Variants in PIK3R1 observed in about 807,000 individuals in gnomAD.
The protein encoded by PIK3R1 is phosphoinositide-3-kinase regulatory subunit 1.
A neutral mutation model predicts 98.0 loss-of-function variants in PIK3R1; 29 were observed. The observed-to-expected ratio is 0.30, with a 90% confidence interval of 0.22 to 0.40. PIK3R1 has a LOEUF of 0.40. PIK3R1 is among the 10% of genes least tolerant of loss of function. PIK3R1 has a pLI of 1.00. For missense variants in PIK3R1, 596 were observed against 872.7 expected, an observed-to-expected ratio of 0.68 and a Z score of 3.99; for synonymous variants, 282 against 311.8, an observed-to-expected ratio of 0.90 and a Z score of 1.01.
At chr5:68,243,343 G>GT (rs1744941898) in intron 2 of PIK3R1, among the ~76,000 whole-genome samples, 1 of 152,124 alleles carries the variant, frequency 6.6e-6, no homozygotes, top group Admixed American at 6.5e-5. Context: ...ACTTTGAAAA[G>GT]TTTTGATGTT....
intron 2 of PIK3R1, among the ~76,000 whole-genome samples, chr5:68,267,520 C>T (rs10515073): frequency 0.02 from 3,102 of 152,210 alleles, 83 homozygotes; most frequent in African/African-American, 0.069. Context: ...TTAAATCTGT[C>T]GGCAACTCTT....
rs749016701 is a variant in PIK3R1 at position 68,292,367 on chromosome 5, G to C, written c.1019+6G>C. The C allele has an allele frequency of 1.3e-5, 20 of 1,592,484 alleles. No individual in the cohort carries two copies. The highest frequency in any genetic ancestry group is 1.5e-5 in the Non-Finnish European group (17 of 1,161,322). On this transcript the variant is annotated splice_donor_region_variant and intron_variant, in intron 8 of 15. Coordinates refer to ENST00000521381, the MANE Select transcript of PIK3R1 (RefSeq NM_181523.3). ...TACTGGGGAGATATCTCGAGGTAAG[G>C]CTACAGAAACTTCATTTTCAGAGAG...
intron 1 of PIK3R1, among the ~76,000 whole-genome samples, chr5:68,221,253 C>T (rs1482260004): frequency 6.6e-6 from 1 of 152,198 alleles, no homozygotes; most frequent in Non-Finnish European, 1.5e-5. Flanking sequence ...GACTAAGACA[C>T]TAGGATATTT....
At chr5:68,251,652 C>CA (rs1178584680) in intron 2 of PIK3R1, among the ~76,000 whole-genome samples, 2 of 151,900 alleles carry the variant, frequency 1.3e-5, no homozygotes, top group Non-Finnish European at 1.5e-5. Flanking sequence ...GCCCCAGCTG[C>CA]AAAAAAGTAG....
chr5:68,282,922 A>C (rs1012636874), intron 7 of PIK3R1, among the ~76,000 whole-genome samples: 1 of 152,228 alleles, frequency 6.6e-6, no homozygotes, highest in Non-Finnish European at 1.5e-5. Flanking sequence ...TTTGGAATTA[A>C]ATGGCTGTTT....
chr5:68,238,740 T>A (rs910858542), intron 2 of PIK3R1, among the ~76,000 whole-genome samples: 8 of 152,062 alleles, frequency 5.3e-5, no homozygotes, highest in African/African-American at 1.9e-4. Flanking sequence ...ACAGGAGAAT[T>A]ACAAGTGTTG....
chr5:68,257,504 T>C (rs946799261), intron 2 of PIK3R1, among the ~76,000 whole-genome samples: 1 of 152,180 alleles, frequency 6.6e-6, no homozygotes, highest in Non-Finnish European at 1.5e-5. Flanking sequence ...TGACAGCCAG[T>C]TGGGGTGGGG....
chr5:68,262,884 G>T (rs1210738191), intron 2 of PIK3R1, among the ~76,000 whole-genome samples: 1 of 115,400 alleles, frequency 8.7e-6, no homozygotes, highest in South Asian at 2.8e-4. Flanking sequence ...GATACATGTA[G>T]ATACATGTAT....
At chr5:68,232,266 C>T (rs1744505465) in intron 2 of PIK3R1, among the ~76,000 whole-genome samples, 1 of 152,166 alleles carries the variant, frequency 6.6e-6, no homozygotes, top group South Asian at 2.1e-4. Flanking sequence ...TTTTTAAAAA[C>T]ATTTTTTCTG....
chr5:68,279,542 A>C, intron 4 of PIK3R1, 60 bp from the exon 5 acceptor site: 1 of 1,343,392 alleles, frequency 7.4e-7, no homozygotes, highest in South Asian at 1.3e-5. Context: ...TCAGAAAATT[A>C]GCCCAACTGA....
chr5:68,224,865 G>A (rs1744218386), intron 1 of PIK3R1, among the ~76,000 whole-genome samples: 1 of 152,150 alleles, frequency 6.6e-6, no homozygotes, highest in Non-Finnish European at 1.5e-5. Flanking sequence ...TAATTCCCTT[G>A]CCTCCACTAT....
Position 68,296,352 on chromosome 5 carries a change from C to T in PIK3R1, c.1985+11C>T, listed in dbSNP as rs1747713622. ...TGCCTGCTCTGTAGTGTATGTATCT[C>T]CAGCAAACTTTTCTTTACAACATCT... On this transcript the variant is annotated intron_variant, in intron 15 of 15. Transcript: ENST00000521381. 2 of 1,589,484 alleles carry T rather than the reference C, an allele frequency of 1.3e-6. No homozygotes were observed. Among genetic ancestry groups the T allele is most frequent in the African/African-American group, 1.3e-5 (1 of 74,114 alleles).
At chr5:68,216,956 ATTC>A (rs34039198) in intron 1 of PIK3R1, among the ~76,000 whole-genome samples, 156 of 152,158 alleles carry the variant, frequency 1.0e-3, no homozygotes, top group Non-Finnish European at 1.8e-3. Context: ...GTTTGGGGGA[ATTC>A]TTCTGTTTCC....
intron 1 of PIK3R1, among the ~76,000 whole-genome samples, chr5:68,219,805 G>A (rs1744031217): frequency 6.6e-6 from 1 of 152,192 alleles, no homozygotes; most frequent in African/African-American, 2.4e-5. Context: ...AATCTGAATT[G>A]TATAAATGGC....
At position 68,236,027 on chromosome 5, in the gene PIK3R1, C is replaced by T. The variant is rs955398567; in HGVS notation, c.334+9018C>T. ...CTGGGACTACAGGCACATGCTGCCA[C>T]GCCTGGCTAATTTTTGTATTTTTAG... On this transcript the variant is annotated intron_variant, in intron 2 of 15. Transcript: ENST00000521381. 3.4e-4 allele frequency among the ~76,000 whole-genome samples: 52 copies of T among 151,782 alleles called. 1 individual carries two copies. The highest frequency in any genetic ancestry group is 4.7e-4 in the Non-Finnish European group (32 of 67,976).
At chr5:68,294,729 C>CT in intron 12 of PIK3R1, 51 bp downstream of exon 12, 1 of 1,452,522 alleles carries the variant, frequency 6.9e-7, no homozygotes, top group Non-Finnish European at 9.3e-7. Flanking sequence ...TCCTCTAAAA[C>CT]CATTTAAAGA....
At position 68,300,162 on chromosome 5, in the gene PIK3R1, CT is replaced by C; in HGVS notation, c.*2563del. The C allele has an allele frequency of 4.3e-6, 1 of 233,156 alleles. No individual in the cohort carries two copies. The highest frequency in any genetic ancestry group is 8.5e-6 in the Non-Finnish European group (1 of 118,000). 14.4% of individuals were successfully genotyped at this position (233,156 alleles called of 1,614,324 possible). A position where few individuals can be genotyped will look rare whatever the true frequency, so the allele number is the denominator to read the frequency against. The stretch of plus-strand genomic sequence containing the variant: ...GATGATACGGTATTTAGGCATTTGC[CT>C]TATTTTTGCATCTCACAAACATAAG... On this transcript the variant is annotated 3_prime_UTR_variant, in exon 16 of 16. Transcript: ENST00000521381.
At chr5:68,288,333 T>G in intron 7 of PIK3R1, 2 of 865,310 alleles carry the variant, frequency 2.3e-6, no homozygotes, top group Non-Finnish European at 2.9e-6. Context: ...GCTCAGCAAA[T>G]ATTTGAACCT....
In PIK3R1 at chr5:68,292,381, A is replaced by AT; in HGVS notation, c.1019+24dup. 1 of 1,564,090 alleles carries AT rather than the reference A, an allele frequency of 6.4e-7. No homozygotes were observed. The highest frequency in any genetic ancestry group is 8.8e-7 in the Non-Finnish European group (1 of 1,135,504). On this transcript the variant is annotated intron_variant, in intron 8 of 15. Transcript: ENST00000521381. ...CTCGAGGTAAGGCTACAGAAACTTC[A>AT]TTTTCAGAGAGTTTTAGATTAAAAG...
Sources: gnomAD v4.1 joint callset for allele counts (sites outside exome capture counted in the v4.1 genomes callset) on GRCh38, gnomAD v4.1.1 for gene constraint, MANE v1.5 for transcripts, NCBI Gene and HGNC (gene_info 2026-07-23, HGNC 2026-07-21) for gene names.